The following GAS7 variants were observed in gnomAD, a reference collection of about 807,000 sequenced individuals.
The protein encoded by GAS7 is growth arrest-specific protein 7.
In GAS7, 28 loss-of-function variants were observed where a neutral mutation model predicts 71.1. The ratio of observed to expected loss-of-function variants is 0.39; its 90% CI spans 0.29 to 0.54. The LOEUF (loss-of-function observed/expected upper bound fraction) is 0.54. Ranked by LOEUF, GAS7 falls within the 20% of genes least tolerant of loss-of-function variation. The pLI is 0.62. For missense variants in GAS7, 436 were observed against 627.8 expected (o/e 0.69, Z 3.27); for synonymous variants, 258 against 245.8 (o/e 1.05, Z -0.46).
chr17:10,069,444 T>C (rs2073317514), intron 1 of GAS7, among the ~76,000 whole-genome samples: 1 of 152,244 alleles, frequency 6.6e-6, no homozygotes, highest in Non-Finnish European at 1.5e-5. Flanking sequence ...GAGTTCAGTA[T>C]TTCATGCCAA....
In GAS7 at chr17:9,917,806, C is replaced by G. The variant is rs9908886; in HGVS notation, c.1317+195G>C. On this transcript the variant is annotated intron_variant, in intron 13 of 13. Coordinates refer to ENST00000432992, the MANE Select transcript of GAS7 (RefSeq NM_201433.2). ...GTGTGTCCACTTCATGTGCCAGGGTCGGAATCACACAGACGTCCAGGACAA... is the reference window on the plus strand; with the variant it reads ...GTGTGTCCACTTCATGTGCCAGGGTGGGAATCACACAGACGTCCAGGACAA... 0.48 allele frequency among the ~76,000 whole-genome samples: 72,932 copies of G among 152,080 alleles called. 17,590 individuals are homozygous for G. Among genetic ancestry groups the G allele is most frequent in the East Asian group, 0.52 (2,677 of 5,166 alleles).
chr17:10,051,515 G>A (rs541534571), intron 1 of GAS7, among the ~76,000 whole-genome samples: 1 of 152,256 alleles, frequency 6.6e-6, no homozygotes, highest in East Asian at 1.9e-4. Flanking sequence ...CGCATGGACT[G>A]TCCCCTAAAG....
chr17:10,056,739 C>T (rs559064902), intron 1 of GAS7, among the ~76,000 whole-genome samples: 1 of 152,102 alleles, frequency 6.6e-6, no homozygotes, highest in African/African-American at 2.4e-5. Context: ...CTCTCCCTCT[C>T]CCGTCTCCCT....
At position 10,124,387 on chromosome 17, in the gene GAS7, C is replaced by T. The variant is rs893115556; in HGVS notation, c.183+73821G>A. 3.9e-5 allele frequency among the ~76,000 whole-genome samples: 6 copies of T among 152,182 alleles called. 1 individual carries two copies. The highest frequency in any genetic ancestry group is 1.3e-4 in the Admixed American group (2 of 15,282). Reference sequence around the variant, plus strand: ...AAAGGAAAGCGCAGCCTCCACACAACACAGTTCCTTACTAAATCTCGAAGG... The same window carrying T: ...AAAGGAAAGCGCAGCCTCCACACAATACAGTTCCTTACTAAATCTCGAAGG... On this transcript the variant is annotated intron_variant, in intron 1 of 13. Coordinates refer to ENST00000432992, the MANE Select transcript of GAS7 (RefSeq NM_201433.2).
At chr17:9,937,621 G>A (rs949929537) in intron 8 of GAS7, among the ~76,000 whole-genome samples, 7 of 152,376 alleles carry the variant, frequency 4.6e-5, no homozygotes, top group East Asian at 1.9e-4. Flanking sequence ...AAAGGAGGCC[G>A]CCTGGCTGCA....
At chr17:10,091,228 T>C (rs1197253646) in intron 1 of GAS7, among the ~76,000 whole-genome samples, 1 of 151,978 alleles carries the variant, frequency 6.6e-6, no homozygotes, top group African/African-American at 2.4e-5. Context: ...AGATGGGTGG[T>C]TGTCAGGGGC....
chr17:9,981,467 T>C lies in GAS7; in HGVS notation c.385+337A>G, dbSNP rs977023055. On this transcript the variant is annotated intron_variant, in intron 3 of 13. Coordinates refer to ENST00000432992, the MANE Select transcript of GAS7 (RefSeq NM_201433.2). This position sits in a 1 kb window ranked among gnomAD's most constrained non-coding sequence, Gnocchi z 4.4. ...TCCTTTTAGCTTCTACTCCGTGATG[T>C]CCACAAGAGCCACATAGGGTGGTTC... Among the ~76,000 whole-genome samples the C allele has an allele frequency of 1.3e-5, 2 of 152,148 alleles. No homozygotes were observed. The highest frequency in any genetic ancestry group is 4.8e-5 in the African/African-American group (2 of 41,434).
chr17:9,958,433 A>G (rs1399692571), intron 5 of GAS7, among the ~76,000 whole-genome samples: 1 of 152,236 alleles, frequency 6.6e-6, no homozygotes, highest in Non-Finnish European at 1.5e-5. Context: ...TTTTGTCTCC[A>G]CAGGGGTGGT....
chr17:9,925,773 C>A (rs1435880136), intron 10 of GAS7, among the ~76,000 whole-genome samples, 174 bp from the exon 11 acceptor site: 1 of 152,204 alleles, frequency 6.6e-6, no homozygotes, highest in Non-Finnish European at 1.5e-5. Flanking sequence ...TAGGTAGAGG[C>A]TACAACCCAA....
At chr17:10,130,312 C>T (rs370437461) in intron 1 of GAS7, among the ~76,000 whole-genome samples, 4 of 147,738 alleles carry the variant, frequency 2.7e-5, no homozygotes, top group African/African-American at 1.0e-4. Context: ...TTCACACCCA[C>T]TAGAACAGCT....
intron 1 of GAS7, among the ~76,000 whole-genome samples, chr17:10,125,334 A>G (rs2073936142): frequency 1.3e-5 from 2 of 152,084 alleles, no homozygotes; most frequent in South Asian, 4.1e-4. Context: ...CCTGGCCAAC[A>G]TGGTGAAACC....
chr17:10,149,291 C>T (rs2074146282), intron 1 of GAS7, among the ~76,000 whole-genome samples: 1 of 152,034 alleles, frequency 6.6e-6, no homozygotes, highest in Non-Finnish European at 1.5e-5. Flanking sequence ...TTAGTAGAGA[C>T]AGGGTTTTGC....
intron 1 of GAS7, among the ~76,000 whole-genome samples, chr17:10,165,068 A>C (rs945263343): frequency 6.6e-6 from 1 of 151,172 alleles, no homozygotes. Context: ...GCGGATCACA[A>C]GGTCAGGAGA....
intron 4 of GAS7, among the ~76,000 whole-genome samples, chr17:9,965,997 C>G (rs1458372563): frequency 8.1e-6 from 1 of 122,962 alleles, no homozygotes; most frequent in Non-Finnish European, 1.7e-5. Flanking sequence ...CCCCAAAATT[C>G]TTTTTTTTTT....
chr17:10,026,619 G>A lies in GAS7; in HGVS notation c.184-6722C>T, dbSNP rs552653022. 6.6e-6 allele frequency among the ~76,000 whole-genome samples: 1 copy of A among 152,294 alleles called. No individual in the cohort carries two copies. The highest frequency in any genetic ancestry group is 6.5e-5 in the Admixed American group (1 of 15,302). ...CAGGAGTGGCCCCACTGCCAGCTCT[G>A]CACTCCTCAGGGAGTCAACCAATTA... On this transcript the variant is annotated intron_variant, in intron 1 of 13. Transcript: ENST00000432992. This position sits in a 1 kb window ranked among gnomAD's most constrained non-coding sequence, Gnocchi z 4.5.
intron 10 of GAS7, 129 bp from the exon 11 acceptor site, chr17:9,925,728 A>T: frequency 1.0e-6 from 1 of 962,736 alleles, no homozygotes; most frequent in East Asian, 2.5e-5. Context: ...ACAGTGGTCC[A>T]GAGAGGCCCA....
At chr17:9,949,822 T>G in intron 5 of GAS7, among the ~76,000 whole-genome samples, 1 of 128,542 alleles carries the variant, frequency 7.8e-6, no homozygotes, top group African/African-American at 2.9e-5. Context: ...TCCCTCCCTC[T>G]TTCCCTCTTC....
chr17:9,927,179 T>C (rs1406409363), intron 9 of GAS7, among the ~76,000 whole-genome samples: 9 of 122,332 alleles, frequency 7.4e-5, no homozygotes, highest in Admixed American at 7.0e-4. Context: ...CTGGGCACGG[T>C]GGCTCATGCC....
chr17:9,985,827 AC>A (rs1205030964), intron 2 of GAS7, among the ~76,000 whole-genome samples: 2 of 152,148 alleles, frequency 1.3e-5, no homozygotes, highest in Non-Finnish European at 2.9e-5. Context: ...AGAGCTCCCC[AC>A]GGCGCTGCCG....
Sources: gnomAD v4.1 joint callset for allele counts (sites outside exome capture counted in the v4.1 genomes callset) on GRCh38, gnomAD v4.1.1 for gene constraint, Gnocchi (gnomAD v3.1) non-coding constraint, MANE v1.5 for transcripts, NCBI Gene and HGNC (gene_info 2026-07-23, HGNC 2026-07-21) for gene names.